TMCO4: variants seen among roughly 807,000 people sequenced by gnomAD.
TMCO4 encodes transmembrane and coiled-coil domains 4.
Under a neutral mutation model 64.7 loss-of-function variants are expected in TMCO4, and 58 were observed. That is an observed-to-expected ratio of 0.90 (90% CI 0.73 to 1.12). TMCO4 has a LOEUF of 1.12. Ranked by LOEUF, TMCO4 falls within the 50% of genes most tolerant of loss-of-function variation. The probability of loss-of-function intolerance (pLI) is 0.00; values close to 1 mark genes in which losing one functional copy is unlikely to be tolerated. For missense variants in TMCO4, 780 were observed against 825.9 expected (o/e 0.94, Z 0.68); for synonymous variants, 325 against 346.1 (o/e 0.94, Z 0.68).
chr1:19,791,345 A>C (rs567295579), intron 2 of TMCO4, among the ~76,000 whole-genome samples: 1 of 151,684 alleles, frequency 6.6e-6, no homozygotes, highest in Non-Finnish European at 1.5e-5. Flanking sequence ...AAAAAAAAAA[A>C]GGAAAAGAAA....
At chr1:19,738,938 G>A (rs1340166656) in intron 12 of TMCO4, among the ~76,000 whole-genome samples, 1 of 152,212 alleles carries the variant, frequency 6.6e-6, no homozygotes, top group Non-Finnish European at 1.5e-5. Flanking sequence ...TTCTTCTTCA[G>A]TTCTTCCTTT....
At chr1:19,749,352 G>A (rs950004211) in intron 7 of TMCO4, among the ~76,000 whole-genome samples, 3 of 152,024 alleles carry the variant, frequency 2.0e-5, no homozygotes, top group African/African-American at 7.3e-5. Context: ...TGTCACTTCT[G>A]GCAGAATCTT....
At chr1:19,727,152 C>T (rs1479952757) in intron 13 of TMCO4, among the ~76,000 whole-genome samples, 2 of 152,166 alleles carry the variant, frequency 1.3e-5, no homozygotes, top group Non-Finnish European at 2.9e-5. Context: ...GCATCTGCCT[C>T]TATGTCCTGG....
intron 3 of TMCO4, among the ~76,000 whole-genome samples, chr1:19,781,230 G>A (rs1207879189): frequency 1.3e-5 from 2 of 151,946 alleles, no homozygotes; most frequent in South Asian, 2.1e-4. Flanking sequence ...GGAAGCCGAG[G>A]TAGGAGGACT....
chr1:19,702,038 C>T (rs1373271382), intron 13 of TMCO4, among the ~76,000 whole-genome samples: 1 of 152,068 alleles, frequency 6.6e-6, no homozygotes, highest in African/African-American at 2.4e-5. Context: ...GGCGCAATCT[C>T]GGCTCACTGC....
chr1:19,762,068 G>T (rs959444720), intron 6 of TMCO4, among the ~76,000 whole-genome samples: 3 of 152,230 alleles, frequency 2.0e-5, no homozygotes, highest in African/African-American at 7.2e-5. Context: ...CTTTCTCAAA[G>T]CCACACAGGT....
chr1:19,719,485 C>A (rs2095371720), intron 13 of TMCO4, among the ~76,000 whole-genome samples: 1 of 152,282 alleles, frequency 6.6e-6, no homozygotes, highest in African/African-American at 2.4e-5. Context: ...ACAGTGGCTA[C>A]TGAATGCCTA....
chr1:19,748,539 A>C (rs2041888912), intron 7 of TMCO4, among the ~76,000 whole-genome samples: 1 of 152,132 alleles, frequency 6.6e-6, no homozygotes, highest in Non-Finnish European at 1.5e-5. Context: ...AAGAAATGGG[A>C]TTTGGCCAGG....
intron 13 of TMCO4, among the ~76,000 whole-genome samples, chr1:19,710,195 C>T (rs1256489247): frequency 6.6e-6 from 1 of 151,996 alleles, no homozygotes; most frequent in East Asian, 1.9e-4. Flanking sequence ...CAGCCTCAAC[C>T]TCCCAGGCTC....
At chr1:19,717,510 G>C (rs1300230482) in intron 13 of TMCO4, among the ~76,000 whole-genome samples, 1 of 152,250 alleles carries the variant, frequency 6.6e-6, no homozygotes, top group Non-Finnish European at 1.5e-5. Context: ...GCTTTCTGCT[G>C]GACGGGCCAA....
At chr1:19,687,582 TG>T (rs1305314221) in intron 15 of TMCO4, among the ~76,000 whole-genome samples, 3 of 152,172 alleles carry the variant, frequency 2.0e-5, no homozygotes, top group Non-Finnish European at 2.9e-5. Context: ...CTGATCCATT[TG>T]GGAGCCCAAG....
In TMCO4 at chr1:19,688,292, C is replaced by A. The variant is rs148191673; in HGVS notation, c.1501-4848G>T. Among the ~76,000 whole-genome samples, 86 of 152,266 alleles carry A rather than the reference C, an allele frequency of 5.6e-4. 1 individual carries two copies. Among genetic ancestry groups the A allele is most frequent in the African/African-American group, 2.0e-3 (85 of 41,554 alleles). On this transcript the variant is annotated intron_variant, in intron 15 of 15. Transcript: ENST00000294543. ...TCTCACTCACCTCTGTGCCCCACAG[C>A]CAGCCCCGCACATCGTGGGGTTTCC...
Position 19,792,439 on chromosome 1 carries a change from A to G in TMCO4, c.-100-5322T>C, listed in dbSNP as rs151178888. Among the ~76,000 whole-genome samples the G allele has an allele frequency of 1.4e-4, 21 of 152,328 alleles. No individual in the cohort carries two copies. In the East Asian group the frequency reaches 3.9e-3, roughly 28 times the overall value. ...TGCTGACTGGGTCATTTTTGTCAGT[A>G]GTTGGGGCAGAGAGACATTCCATAA... On this transcript the variant is annotated intron_variant, in intron 2 of 15. Transcript: ENST00000294543.
rs912529439 is a variant in TMCO4 at position 19,721,610 on chromosome 1, G to A, written c.1264+15762C>T. On this transcript the variant is annotated intron_variant, in intron 13 of 15. Transcript: ENST00000294543. ...TCGAGACCAGTCTAGGCAACATGGC[G>A]AAACCCTGTCTCTTCAAAAAATGCA... Among the ~76,000 whole-genome samples the A allele has an allele frequency of 3.3e-5, 5 of 152,150 alleles. No homozygotes were observed. The East Asian group carries it at 7.7e-4, about 24-fold the overall frequency.
intron 7 of TMCO4, among the ~76,000 whole-genome samples, chr1:19,749,075 T>G (rs1236255504): frequency 3.3e-5 from 5 of 152,168 alleles, no homozygotes; most frequent in African/African-American, 7.2e-5. Context: ...CAACTGAAAT[T>G]CATGTCATCA....
intron 3 of TMCO4, among the ~76,000 whole-genome samples, chr1:19,785,349 AAAT>A (rs1445592497): frequency 3.0e-4 from 45 of 152,186 alleles, no homozygotes; most frequent in African/African-American, 1.0e-3. Flanking sequence ...TTCTTACCTA[AAAT>A]AATGTTTTTT....
At position 19,739,903 on chromosome 1, in the gene TMCO4, T is replaced by TC; in HGVS notation, c.1099dup (p.Asp367GlyfsTer226). The TC allele has an allele frequency of 6.2e-7, 1 of 1,613,994 alleles. No individual in the cohort carries two copies. The highest frequency in any genetic ancestry group is 8.5e-7 in the Non-Finnish European group (1 of 1,179,978). On this transcript the variant is annotated frameshift_variant, in exon 12 of 16. Coordinates refer to ENST00000294543, the MANE Select transcript of TMCO4 (RefSeq NM_181719.7). LOFTEE classifies it high-confidence loss of function. ...ATGGAGACACACCCCCCAGGGGTTG[T>TC]CGATGACATTGGCGACACTGAGGAG... is the stretch of plus-strand genomic sequence containing the variant.
In TMCO4 at chr1:19,732,925, T is replaced by A. The variant is rs2095436295; in HGVS notation, c.1264+4447A>T. Among the ~76,000 whole-genome samples the A allele has an allele frequency of 6.6e-6, 1 of 152,062 alleles. No homozygotes were observed. Among genetic ancestry groups the A allele is most frequent in the South Asian group, 2.1e-4 (1 of 4,830 alleles). ...AATGTAGAGGTTTTCTTTTTTTCTT[T>A]CTTCTCGTTTTTCTTTTTTGCTGAC... is the stretch of plus-strand genomic sequence containing the variant. On this transcript the variant is annotated intron_variant, in intron 13 of 15. Coordinates refer to ENST00000294543, the MANE Select transcript of TMCO4 (RefSeq NM_181719.7). This position sits in a 1 kb window ranked among gnomAD's most constrained non-coding sequence, Gnocchi z 4.8.
chr1:19,708,630 T>C (rs934476731), intron 13 of TMCO4, among the ~76,000 whole-genome samples: 4 of 152,198 alleles, frequency 2.6e-5, no homozygotes, highest in Non-Finnish European at 5.9e-5. Context: ...AGGTCCCAGC[T>C]TCACCTTTGT....
Sources: allele counts gnomAD v4.1 joint callset (sites outside exome capture counted in the v4.1 genomes callset), GRCh38; gene constraint gnomAD v4.1.1; non-coding constraint Gnocchi (gnomAD v3.1); transcripts MANE v1.5; gene names NCBI Gene and HGNC (gene_info 2026-07-23, HGNC 2026-07-21).